ELF1: variants seen among roughly 807,000 people sequenced by gnomAD.
The protein encoded by ELF1 is ETS-related transcription factor Elf-1.
ELF1 carries 24 observed loss-of-function variants against 59.9 expected under a neutral mutation model. The observed-to-expected ratio is 0.40, with a 90% CI of 0.29 to 0.56. The LOEUF (loss-of-function observed/expected upper bound fraction) is 0.56, where lower values mean the gene tolerates loss of function less well. Ranked by LOEUF, ELF1 falls within the 20% of genes least tolerant of loss-of-function variation. The pLI is 0.44. For synonymous variants in ELF1, 248 were observed against 266.2 expected, an observed-to-expected ratio of 0.93 and a Z score of 0.67; for missense variants, 627 against 742.2, an observed-to-expected ratio of 0.84 and a Z score of 1.80.
At chr13:41,056,707 CAAG>C (rs1168604731) in intron 1 of ELF1, among the ~76,000 whole-genome samples, 2 of 151,838 alleles carry the variant, frequency 1.3e-5, no homozygotes, top group Non-Finnish European at 2.9e-5. Context: ...CAGACTAAGA[CAAG>C]AAATAAACAG....
In ELF1 at chr13:40,975,759, A is replaced by G. The variant is rs562294263; in HGVS notation, c.72+6224T>C. ...TATTCAGAGATGCTCTGATATGATAAGAACCATAACTGAACACTTATATAT... is the reference window on the plus strand; with the variant it reads ...TATTCAGAGATGCTCTGATATGATAGGAACCATAACTGAACACTTATATAT... On this transcript the variant is annotated intron_variant, in intron 2 of 8. Coordinates refer to ENST00000239882, the MANE Select transcript of ELF1 (RefSeq NM_172373.4). Among the ~76,000 whole-genome samples the G allele has an allele frequency of 1.8e-4, 27 of 152,358 alleles. No individual in the cohort carries two copies. The South Asian group carries it at 5.2e-3, about 29-fold the overall frequency.
At position 40,941,136 on chromosome 13, in the gene ELF1, T is replaced by G; in HGVS notation, c.1041A>C (p.Pro347=). Residue 347 remains proline, a synonymous_variant, in exon 8 of 9, where the codon CCA becomes CCC. Transcript: ENST00000239882. ...VKGGATTVLK[P]GNSKAAKPKD... The stretch of plus-strand genomic sequence containing the variant: ...TGGGTTTTGCAGCTTTAGAATTCCC[T>G]GGTTTTAGAACTGTAGTGGCTCCTC... 6.2e-7 allele frequency: 1 copy of G among 1,614,194 alleles called. No homozygotes were observed. Among genetic ancestry groups the G allele is most frequent in the Non-Finnish European group, 8.5e-7 (1 of 1,180,004 alleles).
chr13:40,983,515 T>C (rs992711311), intron 1 of ELF1, among the ~76,000 whole-genome samples: 4 of 152,100 alleles, frequency 2.6e-5, no homozygotes, highest in Admixed American at 2.0e-4. Flanking sequence ...CAAAATAAAA[T>C]AAGAATTAAG....
intron 1 of ELF1, chr13:40,992,731 T>TA (rs1873924662): frequency 4.3e-6 from 1 of 232,846 alleles, no homozygotes; most frequent in African/African-American, 2.3e-5. Context: ...GTGTTTTCAT[T>TA]AGAGTCAAAG....
At chr13:41,042,282 G>A (rs1428766884) in intron 1 of ELF1, among the ~76,000 whole-genome samples, 2 of 151,514 alleles carry the variant, frequency 1.3e-5, no homozygotes, top group African/African-American at 2.4e-5. Flanking sequence ...CCAAAGTGCT[G>A]GGGTTACAGC....
intron 1 of ELF1, among the ~76,000 whole-genome samples, chr13:41,048,790 A>AC (rs1043980717): frequency 2.0e-5 from 3 of 151,352 alleles, no homozygotes; most frequent in African/African-American, 4.9e-5. Flanking sequence ...ACACACCGCA[A>AC]CCCCAACTAC....
chr13:41,050,539 G>C (rs1024627600), intron 1 of ELF1, among the ~76,000 whole-genome samples: 1 of 152,108 alleles, frequency 6.6e-6, no homozygotes, highest in Non-Finnish European at 1.5e-5. Context: ...AGAATTGCTG[G>C]ATTATGATAA....
intron 1 of ELF1, among the ~76,000 whole-genome samples, chr13:40,995,468 T>C (rs1818163963): frequency 6.6e-6 from 1 of 152,136 alleles, no homozygotes; most frequent in Middle Eastern, 3.4e-3. Context: ...AGCTTAAAAA[T>C]ACACCTATAA....
intron 1 of ELF1, among the ~76,000 whole-genome samples, chr13:41,025,705 C>A (rs1317898165): frequency 6.6e-6 from 1 of 152,196 alleles, no homozygotes; most frequent in South Asian, 2.1e-4. Context: ...TGCTAGACAG[C>A]AAACAAAAGA....
intron 1 of ELF1, among the ~76,000 whole-genome samples, chr13:41,011,887 CT>C (rs146840323): frequency 0.012 from 1,846 of 152,270 alleles, 41 homozygotes; most frequent in African/African-American, 0.042. Context: ...CTCAGTGCCC[CT>C]GGCTCTGATG....
At position 41,026,077 on chromosome 13, in the gene ELF1, A is replaced by G. The variant is rs562479433; in HGVS notation, c.-229+34761T>C. Reference sequence around the variant, plus strand: ...CCTCAAGGTAACATATTAGTCCATTATATCAATGACATTATGCTTATTGGA... The same window carrying G: ...CCTCAAGGTAACATATTAGTCCATTGTATCAATGACATTATGCTTATTGGA... On this transcript the variant is annotated intron_variant, in intron 1 of 1. Transcript: ENST00000405737. Among the ~76,000 whole-genome samples the G allele has an allele frequency of 1.2e-4, 18 of 152,314 alleles. No homozygotes were observed. The South Asian group carries it at 1.7e-3, about 14-fold the overall frequency.
chr13:40,945,994 C>T (rs1019391950), intron 5 of ELF1, among the ~76,000 whole-genome samples: 1 of 152,140 alleles, frequency 6.6e-6, no homozygotes, highest in African/African-American at 2.4e-5. Context: ...CAGGCACGTA[C>T]CACCATGCCT....
upstream of ELF1, among the ~76,000 whole-genome samples, chr13:41,021,986 C>T (rs928997605): frequency 2.6e-5 from 4 of 152,150 alleles, no homozygotes; most frequent in Non-Finnish European, 4.4e-5. Context: ...TTAGCCACTT[C>T]GGAAGATAGT....
chr13:40,951,879 C>T (rs1870878390), intron 3 of ELF1, among the ~76,000 whole-genome samples: 3 of 150,030 alleles, frequency 2.0e-5, no homozygotes, highest in Admixed American at 2.0e-4. Flanking sequence ...AAAAAAAAAA[C>T]AGAAACTATT....
At chr13:40,975,514 T>C (rs1408970756) in intron 2 of ELF1, among the ~76,000 whole-genome samples, 1 of 152,192 alleles carries the variant, frequency 6.6e-6, no homozygotes, top group Non-Finnish European at 1.5e-5. Flanking sequence ...ACAATTTCAA[T>C]GACAATCTTT....
chr13:40,957,875 T>C (rs1485960567), intron 3 of ELF1, among the ~76,000 whole-genome samples: 1 of 152,236 alleles, frequency 6.6e-6, no homozygotes, highest in African/African-American at 2.4e-5. Context: ...TACTGTATCA[T>C]ATGTTAACTT....
In ELF1 at chr13:40,955,102, G is replaced by A. The variant is rs373653450; in HGVS notation, c.254-3666C>T. Among the ~76,000 whole-genome samples, 390 of 149,876 alleles carry A rather than the reference G, an allele frequency of 2.6e-3. 7 individuals carry two copies. In the East Asian group the frequency reaches 0.05, roughly 19 times the overall value. ...AGGAGCGTCTCTGCCCGGCTGCCCC[G>A]TCTGAGAAGTGAGGAGACCCTCTGC... On this transcript the variant is annotated intron_variant, in intron 3 of 8. Coordinates refer to ENST00000239882, the MANE Select transcript of ELF1 (RefSeq NM_172373.4).
intron 1 of ELF1, among the ~76,000 whole-genome samples, chr13:41,051,856 A>C (rs539292289): frequency 9.2e-5 from 14 of 152,284 alleles, no homozygotes; most frequent in African/African-American, 3.1e-4. Flanking sequence ...GCATACACAC[A>C]AAATTTATAG....
intron 1 of ELF1, among the ~76,000 whole-genome samples, chr13:40,983,585 ACT>A (rs1328311843): frequency 2.0e-5 from 3 of 151,814 alleles, no homozygotes; most frequent in Non-Finnish European, 2.9e-5. Flanking sequence ...CAAATTTCCC[ACT>A]CTCATCCACT....
Sources: allele counts gnomAD v4.1 joint callset (sites outside exome capture counted in the v4.1 genomes callset), GRCh38; gene constraint gnomAD v4.1.1; transcripts MANE v1.5; gene names NCBI Gene and HGNC (gene_info 2026-07-23, HGNC 2026-07-21).